VAV2: variants seen among roughly 807,000 people sequenced by gnomAD.
VAV2 encodes vav guanine nucleotide exchange factor 2, also known as guanine nucleotide exchange factor VAV2.
VAV2 carries 67 observed loss-of-function variants against 132.5 expected under a neutral mutation model. That is an observed-to-expected ratio of 0.51 (90% confidence interval 0.42 to 0.62). The LOEUF is 0.62. VAV2 is among the 20% of genes least tolerant of loss of function. VAV2 has a pLI of 0.00. For missense variants in VAV2, 938 were observed against 1,153.6 expected (o/e 0.81, Z 2.71); for synonymous variants, 492 against 443.5 (o/e 1.11, Z -1.37).
Position 133,860,180 on chromosome 9 carries a change from TAATC to T in VAV2, c.380+1190_380+1193del, listed in dbSNP as rs900178660. Among the ~76,000 whole-genome samples the T allele has an allele frequency of 9.1e-4, 138 of 151,724 alleles. 1 individual carries two copies. The highest frequency in any genetic ancestry group is 3.2e-3 in the African/African-American group (133 of 41,318). ...AGCCGGGCGTGGTGGTGCGTGCCTG[TAATC>T]CCAGCTACTCAGGAGGCTGAGGCAG... On this transcript the variant is annotated intron_variant, in intron 3 of 29. Transcript: ENST00000371850.
At chr9:133,864,426 G>A (rs1408467181) in intron 2 of VAV2, among the ~76,000 whole-genome samples, 6 of 152,186 alleles carry the variant, frequency 3.9e-5, no homozygotes, top group Non-Finnish European at 8.8e-5. Flanking sequence ...AACGAGGTGG[G>A]GACTGGAGAG....
intron 5 of VAV2, 133 bp downstream of exon 5, chr9:133,811,981 G>T: frequency 1.2e-6 from 1 of 857,800 alleles, no homozygotes. Context: ...ACCTCTGGAC[G>T]TCCCCCTGCA....
At chr9:133,774,815 T>A in intron 25 of VAV2, 120 bp downstream of exon 25, 3 of 885,534 alleles carry the variant, frequency 3.4e-6, no homozygotes. Context: ...ATGTCCTCAC[T>A]TGGCAACAGA....
At chr9:133,944,797 G>C (rs1192638370) in intron 1 of VAV2, among the ~76,000 whole-genome samples, 1 of 152,264 alleles carries the variant, frequency 6.6e-6, no homozygotes, top group African/African-American at 2.4e-5. Flanking sequence ...CTGGGCCCCA[G>C]CTGGACCATG....
At chr9:133,791,942 GTACTGGGTGGGGTGTGTGTGCATGT>G in intron 12 of VAV2, 73 bp from the exon 13 acceptor site, 1 of 1,073,798 alleles carries the variant, frequency 9.3e-7, no homozygotes, top group Non-Finnish European at 1.4e-6. Flanking sequence ...TAAGCAGGCT[GTACTGGGTGGGGTGTGTGTGCATGT>G]GAGCGGGCTG....
intron 3 of VAV2, among the ~76,000 whole-genome samples, chr9:133,845,407 G>A (rs111520513): frequency 2.3e-4 from 35 of 152,346 alleles, no homozygotes; most frequent in Middle Eastern, 3.4e-3. Flanking sequence ...AGCTGGGGTG[G>A]GAGGGCCAGA....
intron 2 of VAV2, among the ~76,000 whole-genome samples, chr9:133,908,014 A>G (rs1297202930): frequency 6.0e-5 from 4 of 67,030 alleles, no homozygotes; most frequent in Admixed American, 2.3e-4. Context: ...GCCTTCCCCC[A>G]GAGAGTGGAG....
intron 4 of VAV2, among the ~76,000 whole-genome samples, chr9:133,816,357 C>T (rs1835558483): frequency 6.6e-6 from 1 of 152,208 alleles, no homozygotes; most frequent in Non-Finnish European, 1.5e-5. Flanking sequence ...CGCATCCTGG[C>T]TCTGTCCTGT....
chr9:133,991,992 CGCT>C lies in VAV2; in HGVS notation c.204+80_204+82del. ...CCAGCCAGGGCGCCTGGGCCGCCGC[CGCT>C]GCGACCTCCGCGTTCAGTCCGCGCG... On this transcript the variant is annotated intron_variant, in intron 1 of 29. Transcript: ENST00000371850. The surrounding 1 kb of genome is among the most constrained non-coding windows in gnomAD (Gnocchi z 4.8). The C allele has an allele frequency of 8.4e-7, 1 of 1,188,736 alleles. No individual in the cohort carries two copies. The highest frequency in any genetic ancestry group is 1.1e-6 in the Non-Finnish European group (1 of 943,632). 73.6% of individuals were successfully genotyped at this position (1,188,736 alleles called of 1,614,324 possible).
intron 4 of VAV2, among the ~76,000 whole-genome samples, chr9:133,821,695 C>A (rs1041334700): frequency 1.3e-5 from 2 of 152,174 alleles, no homozygotes; most frequent in African/African-American, 4.8e-5. Context: ...GTTGGTGCTG[C>A]GTTAGTTCCT....
chr9:133,768,936 T>C lies in VAV2; in HGVS notation c.2435-340A>G, dbSNP rs752687596. On this transcript the variant is annotated intron_variant, in intron 28 of 29. Coordinates refer to ENST00000371850, the MANE Select transcript of VAV2 (RefSeq NM_001134398.2). This position sits in a 1 kb window ranked among gnomAD's most constrained non-coding sequence, Gnocchi z 5.3. The stretch of plus-strand genomic sequence containing the variant: ...GAACCAGCTTGGCCCAGATGCAGAA[T>C]CCTGATAGACAGGTGACAATGACCA... Among the ~76,000 whole-genome samples the C allele has an allele frequency of 6.6e-6, 1 of 152,078 alleles. No homozygotes were observed. The highest frequency in any genetic ancestry group is 1.5e-5 in the Non-Finnish European group (1 of 68,012).
chr9:133,789,462 AC>A, intron 13 of VAV2, 119 bp from the exon 14 acceptor site: 1 of 893,858 alleles, frequency 1.1e-6, no homozygotes, highest in Non-Finnish European at 1.8e-6. Context: ...CAGAGGCGGG[AC>A]GAAGGGAAAC....
intron 1 of VAV2, among the ~76,000 whole-genome samples, chr9:133,981,063 G>A (rs1842676894): frequency 6.6e-6 from 1 of 152,210 alleles, no homozygotes; most frequent in Admixed American, 6.5e-5. Flanking sequence ...AAGCCTGCAC[G>A]TGCCCCATCT....
chr9:133,904,022 A>G (rs1243287500), intron 2 of VAV2, among the ~76,000 whole-genome samples: 1 of 152,262 alleles, frequency 6.6e-6, no homozygotes, highest in African/African-American at 2.4e-5. Context: ...AAAGCTTATA[A>G]AATCATGTTG....
intron 3 of VAV2, among the ~76,000 whole-genome samples, chr9:133,837,771 T>G (rs1262291213): frequency 6.6e-6 from 1 of 152,008 alleles, no homozygotes; most frequent in Non-Finnish European, 1.5e-5. Flanking sequence ...GTCGTAATTT[T>G]CCCTTTCCTG....
At chr9:133,847,611 C>G (rs1251112124) in intron 3 of VAV2, among the ~76,000 whole-genome samples, 2 of 152,200 alleles carry the variant, frequency 1.3e-5, no homozygotes, top group Non-Finnish European at 1.5e-5. Flanking sequence ...AACCCTGGCC[C>G]CCTGACTCCC....
intron 1 of VAV2, among the ~76,000 whole-genome samples, chr9:133,958,405 G>A (rs1424878345): frequency 6.7e-6 from 1 of 149,738 alleles, no homozygotes; most frequent in Non-Finnish European, 1.5e-5. Context: ...AAAGCATTGA[G>A]ATGTTTATGT....
Position 133,992,312 on chromosome 9 carries a change from C to G in VAV2, c.-34G>C. 1 of 1,327,420 alleles carries G rather than the reference C, an allele frequency of 7.5e-7. No homozygotes were observed. The highest frequency in any genetic ancestry group is 2.0e-5 in the South Asian group (1 of 49,070). 82.2% of individuals were successfully genotyped at this position (1,327,420 alleles called of 1,614,324 possible). ...CGGGCCCGACCGGCTCAGGGCAGTG[C>G]TCGAGCCAAAGTGCAGCGGCCGCGG... On this transcript the variant is annotated 5_prime_UTR_variant, in exon 1 of 30. Transcript: ENST00000371850. The surrounding 1 kb of genome is among the most constrained non-coding windows in gnomAD (Gnocchi z 5.5).
At chr9:133,927,358 G>A (rs1840516590) in intron 2 of VAV2, among the ~76,000 whole-genome samples, 1 of 152,144 alleles carries the variant, frequency 6.6e-6, no homozygotes, top group South Asian at 2.1e-4. Flanking sequence ...CTTCAATTAG[G>A]CTCCTACCTC....
Sources: gnomAD v4.1 joint callset for allele counts (sites outside exome capture counted in the v4.1 genomes callset) on GRCh38, gnomAD v4.1.1 for gene constraint, Gnocchi (gnomAD v3.1) non-coding constraint, MANE v1.5 for transcripts, NCBI Gene and HGNC (gene_info 2026-07-23, HGNC 2026-07-21) for gene names.